The following GNB1 variants were observed in gnomAD, a reference collection of about 807,000 sequenced individuals.
The protein encoded by GNB1 is G protein subunit beta 1.
Under a neutral mutation model 42.9 loss-of-function variants are expected in GNB1, and 2 were observed. The ratio of observed to expected loss-of-function variants is 0.05; its 90% CI spans 0.02 to 0.15. The LOEUF is 0.15. Among genes scored for constraint, GNB1 ranks in the 10% least tolerant of loss-of-function variants. The pLI is 1.00. For synonymous variants in GNB1, 183 were observed against 174.7 expected (o/e 1.05, Z -0.38); for missense variants, 193 against 462.2 (o/e 0.42, Z 5.34).
chr1:1,849,766 T>C (rs1015044709), intron 1 of GNB1, among the ~76,000 whole-genome samples: 3 of 152,152 alleles, frequency 2.0e-5, no homozygotes, highest in Admixed American at 6.6e-5. Flanking sequence ...AGTTTGACTA[T>C]AATGTGCCTA....
At chr1:1,812,900 G>A (rs1646802363) in intron 5 of GNB1, among the ~76,000 whole-genome samples, 1 of 133,356 alleles carries the variant, frequency 7.5e-6, no homozygotes, top group African/African-American at 2.8e-5. Flanking sequence ...ACACCTGCCT[G>A]CAGGTCACTC....
At chr1:1,819,505 G>A (rs1250174739) in intron 3 of GNB1, among the ~76,000 whole-genome samples, 1 of 151,740 alleles carries the variant, frequency 6.6e-6, no homozygotes, top group African/African-American at 2.4e-5. Flanking sequence ...ACAGGCGTGA[G>A]CCACCCCGCC....
At chr1:1,845,959 G>A (rs913162852) in intron 1 of GNB1, among the ~76,000 whole-genome samples, 3 of 151,098 alleles carry the variant, frequency 2.0e-5, no homozygotes, top group Non-Finnish European at 4.4e-5. Flanking sequence ...TTATAAAAAC[G>A]GTTCCCTTTA....
chr1:1,799,293 T>C (rs946218099), intron 7 of GNB1, among the ~76,000 whole-genome samples: 3 of 152,220 alleles, frequency 2.0e-5, no homozygotes, highest in Admixed American at 1.3e-4. Flanking sequence ...AAGTAAAATT[T>C]CATGAAATAT....
At chr1:1,873,021 T>C (rs1649333317) in intron 1 of GNB1, among the ~76,000 whole-genome samples, 1 of 151,474 alleles carries the variant, frequency 6.6e-6, no homozygotes, top group Admixed American at 6.6e-5. Flanking sequence ...AGGACCAGAG[T>C]CTATCTCCTA....
chr1:1,818,066 G>A (rs1487931260), intron 3 of GNB1, 191 bp from the exon 4 acceptor site: 6 of 510,334 alleles, frequency 1.2e-5, no homozygotes, highest in Admixed American at 5.9e-5. Flanking sequence ...TCCAGGCCAC[G>A]CTGAACAGAG....
At chr1:1,889,202 T>C (rs980348040) in intron 1 of GNB1, among the ~76,000 whole-genome samples, 3 of 152,214 alleles carry the variant, frequency 2.0e-5, no homozygotes, top group Admixed American at 2.0e-4. Context: ...ACTGAAACTT[T>C]CCACAAAACT....
chr1:1,801,213 AC>A (rs1646621316), intron 7 of GNB1, among the ~76,000 whole-genome samples: 1 of 152,180 alleles, frequency 6.6e-6, no homozygotes, highest in South Asian at 2.1e-4. Context: ...TTTTTAGTAG[AC>A]ACGGGGTTTC....
At chr1:1,813,470 G>T (rs912584359) in intron 5 of GNB1, among the ~76,000 whole-genome samples, 3 of 152,076 alleles carry the variant, frequency 2.0e-5, no homozygotes, top group African/African-American at 7.2e-5. Context: ...AATTCACAAA[G>T]TATATTCTTA....
rs111523822 is a variant in GNB1 at position 1,814,279 on chromosome 1, C to T, written c.203+1477G>A. Among the ~76,000 whole-genome samples, 167 of 152,272 alleles carry T rather than the reference C, an allele frequency of 1.1e-3. 1 individual carries two copies. The highest frequency in any genetic ancestry group is 3.9e-3 in the African/African-American group (164 of 41,546). On this transcript the variant is annotated intron_variant, in intron 5 of 11. Coordinates refer to ENST00000378609, the MANE Select transcript of GNB1 (RefSeq NM_002074.5). ...AAAAAGCCTAGCAGAAAATTCCACG[C>T]TAACAACGGAATACAAAGAAATACT...
intron 2 of GNB1, among the ~76,000 whole-genome samples, chr1:1,829,842 G>C (rs906674519): frequency 4.6e-5 from 7 of 151,960 alleles, no homozygotes; most frequent in African/African-American, 1.7e-4. Flanking sequence ...GATTTCAAGC[G>C]ATTCTTTTGC....
chr1:1,873,970 G>A (rs577465567), intron 1 of GNB1, among the ~76,000 whole-genome samples: 2 of 152,318 alleles, frequency 1.3e-5, no homozygotes, highest in East Asian at 3.9e-4. Flanking sequence ...GCCTCTAGGG[G>A]ACTCAGCACT....
rs186971224 is a variant in GNB1 at position 1,807,140 on chromosome 1, C to T, written c.204-602G>A. 2.4e-4 allele frequency among the ~76,000 whole-genome samples: 37 copies of T among 152,204 alleles called. No individual in the cohort carries two copies. In the East Asian group the frequency reaches 5.4e-3, roughly 22 times the overall value. On this transcript the variant is annotated intron_variant, in intron 5 of 11. Coordinates refer to ENST00000378609, the MANE Select transcript of GNB1 (RefSeq NM_002074.5). The stretch of plus-strand genomic sequence containing the variant: ...CATTCCCTTTGTCAGCTGAGACAGG[C>T]TGACATCATTTCATAAGTGTTTCTG...
intron 7 of GNB1, among the ~76,000 whole-genome samples, chr1:1,800,639 A>G (rs1295275002): frequency 6.6e-6 from 1 of 152,156 alleles, no homozygotes; most frequent in South Asian, 2.1e-4. Context: ...AAAACTTCCC[A>G]AATTTGGTGA....
In GNB1 at chr1:1,793,270, C is replaced by T. The variant is rs778110947; in HGVS notation, c.472G>A (p.Val158Ile). The change falls in exon 8 of 12, where the codon GTC becomes ATC. Residue 158 changes from valine (V) to isoleucine (I), a missense_variant. By Grantham distance (29) the Val-to-Ile change is conservative. Around this residue, in one of 2 missense-constraint regions of GNB1, gnomAD observed 150 missense variants for 410.8 expected, o/e 0.37. Transcript: ENST00000378609. ...CCRFLDDNQI[V>I]TSSGDTTCAL... is the part of the protein sequence containing the mutation. The stretch of plus-strand genomic sequence containing the variant: ...CACGTGGTGTCTCCAGAGCTGGTGA[C>T]GATCTGATTGTCATCCAGGAATCGG... 1.5e-5 allele frequency: 25 copies of T among 1,613,006 alleles called. No individual in the cohort carries two copies. The highest frequency in any genetic ancestry group is 2.2e-5 in the East Asian group (1 of 44,878).
intron 1 of GNB1, among the ~76,000 whole-genome samples, chr1:1,867,117 AT>A (rs1648986506): frequency 6.6e-6 from 1 of 151,888 alleles, no homozygotes; most frequent in Non-Finnish European, 1.5e-5. Flanking sequence ...AAATACAAAA[AT>A]TAGCCAAGCA....
At chr1:1,850,280 G>A (rs1168660633) in intron 1 of GNB1, among the ~76,000 whole-genome samples, 1 of 152,012 alleles carries the variant, frequency 6.6e-6, no homozygotes, top group Non-Finnish European at 1.5e-5. Context: ...CCAGGCATGT[G>A]CCATCACACC....
At chr1:1,800,955 G>A (rs1356941521) in intron 7 of GNB1, among the ~76,000 whole-genome samples, 3 of 152,210 alleles carry the variant, frequency 2.0e-5, no homozygotes, top group South Asian at 2.1e-4. Context: ...AAGGACGCCC[G>A]CAGAAGGCGC....
intron 5 of GNB1, among the ~76,000 whole-genome samples, chr1:1,812,239 C>A (rs564916325): frequency 2.0e-5 from 3 of 151,916 alleles, no homozygotes; most frequent in East Asian, 3.9e-4. Flanking sequence ...AGGAGAAATA[C>A]CTATGTAAAT....
Sources: allele counts gnomAD v4.1 joint callset (sites outside exome capture counted in the v4.1 genomes callset), GRCh38; gene constraint gnomAD v4.1.1; regional missense constraint gnomAD v4.1.1; transcripts MANE v1.5; gene names NCBI Gene and HGNC (gene_info 2026-07-23, HGNC 2026-07-21).